The following MTMR8 variants were observed in gnomAD, a reference collection of about 807,000 sequenced individuals.
MTMR8 encodes the protein myotubularin related protein 8.
In MTMR8, 65 loss-of-function variants were observed where a neutral mutation model predicts 39.3. The ratio of observed to expected loss-of-function variants is 1.65; its 90% CI spans 1.35 to 2.03. The LOEUF is 2.03. MTMR8 is among the 30% of genes most tolerant of loss of function. The probability of loss-of-function intolerance (pLI) is 0.00; values close to 1 mark genes in which losing one functional copy is unlikely to be tolerated. For synonymous variants in MTMR8, 245 were observed against 185.2 expected (o/e 1.32, Z -2.62); for missense variants, 777 against 538.9 (o/e 1.44, Z -4.37).
In MTMR8 at chrX:64,340,653, T is replaced by C. The variant is rs182797092; in HGVS notation, c.975+2958A>G. Among the ~76,000 whole-genome samples the C allele has an allele frequency of 5.4e-5, 6 of 111,593 alleles. No homozygotes were observed. In the East Asian group the frequency reaches 1.4e-3, roughly 26 times the overall value. ...GAGTTAAAGAGATCTGGAAAAAAGT[T>C]TTTCAACCTTTTTGACTTCTCAATT... On this transcript the variant is annotated intron_variant, in intron 8 of 13. Transcript: ENST00000374852.
rs771611436 is a variant in MTMR8, at chrX:64,336,051, C to A, written c.1151+28G>T. 3.5e-6 allele frequency: 4 copies of A among 1,145,578 alleles called. No homozygotes were observed. In the Admixed American group the frequency reaches 9.3e-5, roughly 27 times the overall value. The allele number at this position is 1,145,578 out of a possible 1,213,427, so 94.4% of individuals were successfully genotyped here. A position where few individuals can be genotyped will look rare whatever the true frequency, so the allele number is the denominator to read the frequency against. On this transcript the variant is annotated intron_variant, in intron 10 of 13. Transcript: ENST00000374852. ...TCACCCTAATGAACTATCCTCAGCC[C>A]CTTCCTTCAAAATGAGTATATTTTT...
chrX:64,351,561 G>T (rs1405283033), intron 4 of MTMR8, among the ~76,000 whole-genome samples: 1 of 110,845 alleles, frequency 9.0e-6, no homozygotes, highest in Non-Finnish European at 1.9e-5. Context: ...ACAATCAAAA[G>T]GTAAAGTCCC....
intron 1 of MTMR8, among the ~76,000 whole-genome samples, chrX:64,367,559 G>A (rs1339445396): frequency 3.0e-4 from 34 of 111,504 alleles, no homozygotes; most frequent in Non-Finnish European, 5.7e-4. Flanking sequence ...AAATTCAACA[G>A]CCCTTCATGC....
intron 1 of MTMR8, among the ~76,000 whole-genome samples, chrX:64,366,041 A>G (rs1923944439): frequency 8.9e-6 from 1 of 112,263 alleles, no homozygotes. Flanking sequence ...AAAGGGATAA[A>G]TTCAACAAGA....
Position 64,346,913 on chromosome X carries a change from T to C in MTMR8, c.733-1736A>G, listed in dbSNP as rs1468326319. Among the ~76,000 whole-genome samples the C allele has an allele frequency of 1.2e-4, 13 of 111,602 alleles. No individual in the cohort carries two copies. In the Admixed American group the frequency reaches 1.2e-3, roughly 11 times the overall value. On this transcript the variant is annotated intron_variant, in intron 6 of 13. Coordinates refer to ENST00000374852, the MANE Select transcript of MTMR8 (RefSeq NM_017677.4). ...AATATTTATTGTAATGTAATATTTA[T>C]TGAGCTCCTATTATATGCCTGACAC...
rs1363672681 is a variant in MTMR8 at position 64,359,481 on chromosome X, G to A, written c.71C>T (p.Ala24Val). The change falls in exon 2 of 14, where the codon GCT (alanine) becomes GTT (valine). Residue 24 changes from alanine to valine, a missense_variant. By Grantham distance (64) the Ala-to-Val change is moderately conservative (BLOSUM62 0). Coordinates refer to ENST00000374852, the MANE Select transcript of MTMR8 (RefSeq NM_017677.4). ...LVDRYVSKKP[A>V]NGILYLTATH... ...TGCAGTAAGATAAAGAATCCCATTAGCTGGTTTCTTACTCACATAACGATC... is the reference window on the plus strand; with the variant it reads ...TGCAGTAAGATAAAGAATCCCATTAACTGGTTTCTTACTCACATAACGATC... 1 of 1,206,347 alleles carries A rather than the reference G, an allele frequency of 8.3e-7. No homozygotes were observed. Among genetic ancestry groups the A allele is most frequent in the East Asian group, 3.0e-5 (1 of 33,719 alleles).
chrX:64,328,382 C>A (rs1236955909), intron 12 of MTMR8, among the ~76,000 whole-genome samples: 1 of 111,640 alleles, frequency 9.0e-6, no homozygotes, highest in East Asian at 2.8e-4. Context: ...GTGCCTCAGC[C>A]TGCAGAAGCT....
intron 3 of MTMR8, 70 bp downstream of exon 3, chrX:64,356,106 C>T: frequency 9.4e-7 from 1 of 1,064,004 alleles, no homozygotes; most frequent in Non-Finnish European, 1.3e-6. Flanking sequence ...CTCCATAGCC[C>T]TGATCTTTCC....
intron 1 of MTMR8, among the ~76,000 whole-genome samples, chrX:64,368,631 T>A (rs1436046900): frequency 1.8e-5 from 2 of 112,086 alleles, no homozygotes; most frequent in African/African-American, 3.3e-5. Flanking sequence ...AAGACTTAAA[T>A]GTTAGACCTA....
chrX:64,335,586 A>G (rs1207528306), intron 10 of MTMR8, among the ~76,000 whole-genome samples: 1 of 112,464 alleles, frequency 8.9e-6, no homozygotes, highest in Non-Finnish European at 1.9e-5. Context: ...ACAGATAAAT[A>G]TAAGCCCTTG....
At chrX:64,309,432 T>C (rs1346203166) in intron 12 of MTMR8, among the ~76,000 whole-genome samples, 4 of 110,223 alleles carry the variant, frequency 3.6e-5, no homozygotes, top group Admixed American at 1.9e-4. Context: ...AGCAATTGAT[T>C]TGTGTATATT....
intron 12 of MTMR8, among the ~76,000 whole-genome samples, chrX:64,316,681 C>T (rs763993164): frequency 9.9e-5 from 11 of 111,482 alleles, no homozygotes; most frequent in South Asian, 3.8e-4. Flanking sequence ...TATAAGATTT[C>T]GCATTGATAT....
chrX:64,303,608 A>G (rs1482913878), intron 12 of MTMR8, among the ~76,000 whole-genome samples: 1 of 112,475 alleles, frequency 8.9e-6, no homozygotes, highest in Non-Finnish European at 1.9e-5. Flanking sequence ...CACCTTATAA[A>G]GAGTTCTTAC....
At chrX:64,392,110 G>C (rs186854560) in intron 1 of MTMR8, among the ~76,000 whole-genome samples, 1 of 111,727 alleles carries the variant, frequency 9.0e-6, no homozygotes, top group Admixed American at 9.5e-5. Context: ...AATGGTTGTT[G>C]AACCCTAAGC....
intron 12 of MTMR8, among the ~76,000 whole-genome samples, chrX:64,308,846 G>A (rs1346304453): frequency 9.0e-6 from 1 of 111,139 alleles, no homozygotes; most frequent in Non-Finnish European, 1.9e-5. Flanking sequence ...TGGCACCATT[G>A]GTTAAAAAGA....
chrX:64,337,454 A>G, intron 8 of MTMR8, 61 bp from the exon 9 acceptor site: 1 of 1,152,013 alleles, frequency 8.7e-7, no homozygotes, highest in Non-Finnish European at 1.2e-6. Context: ...GTTGGATTAA[A>G]GAGTTGCCAA....
At chrX:64,371,899 T>TAC (rs1924139292) in intron 1 of MTMR8, among the ~76,000 whole-genome samples, 3 of 110,125 alleles carry the variant, frequency 2.7e-5, no homozygotes, top group Middle Eastern at 4.7e-3. Flanking sequence ...AAAAATTAAC[T>TAC]AGATCTGAAA....
chrX:64,285,559 C>T (rs1350826439), intron 12 of MTMR8, among the ~76,000 whole-genome samples: 1 of 111,712 alleles, frequency 9.0e-6, no homozygotes, highest in African/African-American at 3.3e-5. Flanking sequence ...CCAAAACTGA[C>T]CACATAGTTG....
chrX:64,348,271 AC>A (rs1923394074), intron 6 of MTMR8, among the ~76,000 whole-genome samples: 4 of 111,146 alleles, frequency 3.6e-5, no homozygotes, highest in South Asian at 3.8e-4. Flanking sequence ...AAAAAAAAAA[AC>A]ATGTTGGTTG....
Sources: gnomAD v4.1 joint callset for allele counts (sites outside exome capture counted in the v4.1 genomes callset) on GRCh38, gnomAD v4.1.1 for gene constraint, MANE v1.5 for transcripts, NCBI Gene and HGNC (gene_info 2026-07-23, HGNC 2026-07-21) for gene names.